Variants in CENPW observed in about 807,000 individuals in gnomAD.
CENPW encodes the protein cancer-up-regulated gene 2 protein.
CENPW carries 3 observed loss-of-function variants against 11.1 expected under a neutral mutation model. The observed-to-expected ratio is 0.27, with a 90% CI of 0.12 to 0.70. CENPW has a LOEUF of 0.70. CENPW is among the 30% of genes least tolerant of loss of function. The pLI is 0.77. For missense variants in CENPW, 100 were observed against 105.6 expected (o/e 0.95, Z 0.23); for synonymous variants, 38 against 42.0 (o/e 0.91, Z 0.37).
At chr6:126,418,212 A>T in the CENPW span, among the ~76,000 whole-genome samples, 1 of 152,228 alleles carries the variant, frequency 6.6e-6, no homozygotes, top group African/African-American at 2.4e-5. Context: ...TTAAACATAG[A>T]TTTGCCATGT....
At chr6:126,369,122 T>A in the CENPW span, among the ~76,000 whole-genome samples, 32 of 150,152 alleles carry the variant, frequency 2.1e-4, no homozygotes, top group Admixed American at 4.7e-4. Context: ...TTTTTTTTTT[T>A]ATGGCTGAGT....
At chr6:126,416,114 G>A in the CENPW span, among the ~76,000 whole-genome samples, 1 of 152,138 alleles carries the variant, frequency 6.6e-6, no homozygotes, top group Non-Finnish European at 1.5e-5. Context: ...AGGCTGAGGT[G>A]GTCTCAGATG....
downstream of CENPW, among the ~76,000 whole-genome samples, chr6:126,353,583 T>C (rs184772019): frequency 2.0e-5 from 3 of 152,170 alleles, no homozygotes; most frequent in East Asian, 3.9e-4. Flanking sequence ...TTTATTCTGC[T>C]TGGGGTTCCT....
the CENPW span, among the ~76,000 whole-genome samples, chr6:126,392,328 G>C: frequency 6.6e-6 from 1 of 151,670 alleles, no homozygotes; most frequent in Non-Finnish European, 1.5e-5. Context: ...TTTGCAGTTG[G>C]CATAAAAAAT....
the CENPW span, among the ~76,000 whole-genome samples, chr6:126,420,693 A>C: frequency 6.6e-6 from 1 of 152,126 alleles, no homozygotes; most frequent in Non-Finnish European, 1.5e-5. Context: ...AGCTTTGAAG[A>C]AAATGTCCTC....
the CENPW span, among the ~76,000 whole-genome samples, chr6:126,432,820 ATC>A: frequency 1.3e-5 from 2 of 152,136 alleles, no homozygotes; most frequent in Non-Finnish European, 2.9e-5. Context: ...CACTATGACA[ATC>A]TCTCTCTCCA....
At chr6:126,448,723 T>C in the CENPW span, among the ~76,000 whole-genome samples, 1 of 150,880 alleles carries the variant, frequency 6.6e-6, no homozygotes, top group Non-Finnish European at 1.5e-5. Flanking sequence ...CTGTAATAGG[T>C]TTTTTACCAT....
At chr6:126,453,198 GA>G in the CENPW span, among the ~76,000 whole-genome samples, 1 of 151,064 alleles carries the variant, frequency 6.6e-6, no homozygotes, top group Non-Finnish European at 1.5e-5. Flanking sequence ...TCAAATTCAG[GA>G]AATGCAGACA....
chr6:126,363,823 G>T, the CENPW span, among the ~76,000 whole-genome samples: 2 of 152,142 alleles, frequency 1.3e-5, no homozygotes, highest in Non-Finnish European at 2.9e-5. Context: ...TTCTAAACAG[G>T]ATGGATTAAA....
chr6:126,409,346 T>C, the CENPW span, among the ~76,000 whole-genome samples: 2 of 152,196 alleles, frequency 1.3e-5, no homozygotes, highest in African/African-American at 2.4e-5. Context: ...ATCTAACATG[T>C]GATTTATTCT....
the CENPW span, among the ~76,000 whole-genome samples, chr6:126,384,064 G>A: frequency 6.6e-6 from 1 of 152,138 alleles, no homozygotes; most frequent in Non-Finnish European, 1.5e-5. Context: ...TTGGACCACA[G>A]TGCAATAAAA....
intron 1 of CENPW, among the ~76,000 whole-genome samples, chr6:126,342,974 G>A (rs181444670): frequency 8.1e-4 from 124 of 152,198 alleles, no homozygotes; most frequent in Middle Eastern, 6.8e-3. Flanking sequence ...CCCAGGGATG[G>A]TACTAGGGAG....
intron 2 of CENPW, 34 bp downstream of exon 2, chr6:126,346,352 T>A: frequency 7.4e-7 from 1 of 1,359,746 alleles, no homozygotes; most frequent in Non-Finnish European, 1.0e-6. Flanking sequence ...GAGCAAGAAT[T>A]AAACTTCAAA....
At chr6:126,403,564 A>C in the CENPW span, among the ~76,000 whole-genome samples, 2 of 152,122 alleles carry the variant, frequency 1.3e-5, no homozygotes, top group African/African-American at 4.8e-5. Context: ...GAAGACAGAG[A>C]GGTAAAGAAG....
At chr6:126,438,024 T>C in the CENPW span, among the ~76,000 whole-genome samples, 1 of 151,734 alleles carries the variant, frequency 6.6e-6, no homozygotes, top group Non-Finnish European at 1.5e-5. Context: ...AGATTGGCTT[T>C]TTTTTTTCTT....
At chr6:126,429,700 T>C in the CENPW span, among the ~76,000 whole-genome samples, 1 of 152,214 alleles carries the variant, frequency 6.6e-6, no homozygotes, top group Admixed American at 6.5e-5. Context: ...AATGGCCTAA[T>C]ACAATTTGCA....
chr6:126,424,517 A>T, the CENPW span, among the ~76,000 whole-genome samples: 1 of 152,136 alleles, frequency 6.6e-6, no homozygotes, highest in African/African-American at 2.4e-5. Flanking sequence ...TTTGTGGAGA[A>T]GGGATTTAAG....
At chr6:126,466,890 T>C in the CENPW span, among the ~76,000 whole-genome samples, 1 of 151,914 alleles carries the variant, frequency 6.6e-6, no homozygotes, top group African/African-American at 2.4e-5. Context: ...TATTCACAAT[T>C]ACCACAAAAA....
At chr6:126,419,313 G>A in the CENPW span, among the ~76,000 whole-genome samples, 17 of 151,990 alleles carry the variant, frequency 1.1e-4, no homozygotes, top group Non-Finnish European at 1.5e-5. Flanking sequence ...TTTTTTCACA[G>A]TCAAAAAGCA....
Sources: gnomAD v4.1 joint callset for allele counts (sites outside exome capture counted in the v4.1 genomes callset) on GRCh38, gnomAD v4.1.1 for gene constraint, MANE v1.5 for transcripts, NCBI Gene and HGNC (gene_info 2026-07-23, HGNC 2026-07-21) for gene names.